SLC14A2: variants seen among roughly 807,000 people sequenced by gnomAD.
SLC14A2 encodes solute carrier family 14 member 2, also known as urea transporter 2.
Under a neutral mutation model 104.6 loss-of-function variants are expected in SLC14A2, and 91 were observed. The observed-to-expected ratio is 0.87, with a 90% CI of 0.73 to 1.04. The LOEUF (loss-of-function observed/expected upper bound fraction) is 1.04. SLC14A2 is among the 50% of genes least tolerant of loss of function. SLC14A2 has a pLI of 0.00. For synonymous variants in SLC14A2, 476 were observed against 466.4 expected, an observed-to-expected ratio of 1.02 and a Z score of -0.27; for missense variants, 1,189 against 1,156.0, an observed-to-expected ratio of 1.03 and a Z score of -0.41.
intron 2 of SLC14A2, among the ~76,000 whole-genome samples, chr18:45,486,871 A>T (rs1210985714): frequency 1.3e-5 from 2 of 152,230 alleles, no homozygotes; most frequent in African/African-American, 4.8e-5. Context: ...AGGTTGAAAA[A>T]GGCTTTGGAG....
chr18:45,269,262 A>G (rs1211633164), intron 1 of SLC14A2, among the ~76,000 whole-genome samples: 2 of 152,188 alleles, frequency 1.3e-5, no homozygotes. Context: ...CCTAAAGGAC[A>G]TTCCTCTGGT....
intron 1 of SLC14A2, among the ~76,000 whole-genome samples, chr18:45,381,436 C>T (rs2085833848): frequency 6.6e-6 from 1 of 152,182 alleles, no homozygotes; most frequent in East Asian, 1.9e-4. Context: ...TTTCTGTGGT[C>T]TTTTCACCAC....
At chr18:45,598,037 A>G (rs2044738252) in intron 2 of SLC14A2, among the ~76,000 whole-genome samples, 1 of 152,106 alleles carries the variant, frequency 6.6e-6, no homozygotes, top group Non-Finnish European at 1.5e-5. Flanking sequence ...AGAGGTTCCC[A>G]ATACATTTTG....
intron 2 of SLC14A2, among the ~76,000 whole-genome samples, chr18:45,488,943 C>T (rs1446302107): frequency 6.6e-6 from 1 of 152,178 alleles, no homozygotes; most frequent in Non-Finnish European, 1.5e-5. Context: ...CCCCAGCTAC[C>T]TCCACTTTTC....
At chr18:45,348,910 T>G (rs1282174600) in intron 1 of SLC14A2, among the ~76,000 whole-genome samples, 1 of 152,230 alleles carries the variant, frequency 6.6e-6, no homozygotes, top group Non-Finnish European at 1.5e-5. Context: ...ACATGGCTAG[T>G]CATAGAAAGA....
chr18:45,221,793 G>A (rs900136331), intron 1 of SLC14A2, among the ~76,000 whole-genome samples: 2 of 152,054 alleles, frequency 1.3e-5, no homozygotes, highest in African/African-American at 4.8e-5. Context: ...CTTAGAGTGT[G>A]TAGAGGTCAG....
chr18:45,497,584 A>T (rs2043122233), intron 2 of SLC14A2, among the ~76,000 whole-genome samples: 1 of 152,136 alleles, frequency 6.6e-6, no homozygotes, highest in Admixed American at 6.5e-5. Flanking sequence ...TTTCCAACGA[A>T]ATCCATTTCC....
chr18:45,277,229 A>G (rs2144133111), intron 1 of SLC14A2, among the ~76,000 whole-genome samples: 1 of 152,346 alleles, frequency 6.6e-6, no homozygotes, highest in Non-Finnish European at 1.5e-5. Flanking sequence ...ACAAGTAACC[A>G]TATTTTATGA....
intron 2 of SLC14A2, among the ~76,000 whole-genome samples, chr18:45,591,372 G>C (rs1381983098): frequency 6.6e-6 from 1 of 152,158 alleles, no homozygotes; most frequent in African/African-American, 2.4e-5. Flanking sequence ...GTCTCGCTCT[G>C]TTGCCCAGGC....
chr18:45,507,745 G>A (rs190949009), intron 2 of SLC14A2, among the ~76,000 whole-genome samples: 1 of 152,298 alleles, frequency 6.6e-6, no homozygotes, highest in Non-Finnish European at 1.5e-5. Context: ...AGCTACTTGA[G>A]AAATGAATAA....
chr18:45,210,283 G>A (rs1224443514), upstream of SLC14A2, among the ~76,000 whole-genome samples: 4 of 152,188 alleles, frequency 2.6e-5, no homozygotes, highest in East Asian at 7.7e-4. Flanking sequence ...CCCTCCAAAA[G>A]CAGTACTCCT....
chr18:45,626,928 T>G (rs758260124), intron 3 of SLC14A2, 30 bp from the exon 4 acceptor site: 11 of 1,574,828 alleles, frequency 7.0e-6, no homozygotes, highest in Non-Finnish European at 8.7e-6. Flanking sequence ...AAGCTGGACC[T>G]GCTGATGGCT....
chr18:45,405,053 T>A (rs1419613754), intron 1 of SLC14A2, among the ~76,000 whole-genome samples: 3 of 152,102 alleles, frequency 2.0e-5, no homozygotes, highest in Non-Finnish European at 4.4e-5. Context: ...AATTAGAAGA[T>A]CCATGTCCCT....
intron 2 of SLC14A2, among the ~76,000 whole-genome samples, chr18:45,557,047 G>C (rs190641470): frequency 6.6e-6 from 1 of 152,232 alleles, no homozygotes; most frequent in African/African-American, 2.4e-5. Context: ...CATAGGGTAA[G>C]TGTTCAAGAA....
At chr18:45,504,873 G>A (rs542152171) in intron 2 of SLC14A2, among the ~76,000 whole-genome samples, 1 of 152,068 alleles carries the variant, frequency 6.6e-6, no homozygotes, top group Non-Finnish European at 1.5e-5. Flanking sequence ...TTATAATAGC[G>A]ATGATAATAA....
the SLC14A2 span, among the ~76,000 whole-genome samples, chr18:45,191,547 A>G: frequency 6.6e-6 from 1 of 152,226 alleles, no homozygotes; most frequent in Non-Finnish European, 1.5e-5. Flanking sequence ...TAAGTGTTCA[A>G]TTAAATGACA....
At chr18:45,235,985 ATGTG>A (rs1339690286) in intron 1 of SLC14A2, among the ~76,000 whole-genome samples, 1 of 63,620 alleles carries the variant, frequency 1.6e-5, no homozygotes, top group South Asian at 4.5e-4. Context: ...GTGTGTATAT[ATGTG>A]TATATATACA....
chr18:45,281,023 G>A lies in SLC14A2; in HGVS notation c.-125+67832G>A, dbSNP rs568930813. ...CCAACGTGCCAAGCCCCACCAAGCA[G>A]CCCCTCTTTGGCGCTGTCCCTTGAA... is the stretch of plus-strand genomic sequence containing the variant. On this transcript the variant is annotated intron_variant, in intron 1 of 20. Coordinates refer to the SLC14A2 transcript ENST00000586448. 3.3e-5 allele frequency among the ~76,000 whole-genome samples: 5 copies of A among 152,138 alleles called. No individual in the cohort carries two copies. The South Asian group carries it at 8.3e-4, about 25-fold the overall frequency.
chr18:45,201,446 T>C, the SLC14A2 span, among the ~76,000 whole-genome samples: 1 of 152,160 alleles, frequency 6.6e-6, no homozygotes, highest in Non-Finnish European at 1.5e-5. Flanking sequence ...ATATTTATTT[T>C]ACTTCACTTC....
Sources: allele counts gnomAD v4.1 joint callset (sites outside exome capture counted in the v4.1 genomes callset), GRCh38; gene constraint gnomAD v4.1.1; transcripts MANE v1.5; gene names NCBI Gene and HGNC (gene_info 2026-07-23, HGNC 2026-07-21).